Variants in TCN2 observed in about 807,000 individuals in gnomAD.
The protein encoded by TCN2 is transcobalamin-2.
In TCN2, 34 loss-of-function variants were observed where a neutral mutation model predicts 48.6. The observed-to-expected ratio is 0.70, with a 90% CI of 0.53 to 0.93. TCN2 has a LOEUF of 0.93. Ranked by LOEUF, TCN2 falls within the 40% of genes least tolerant of loss-of-function variation. The pLI is 0.00. For missense variants in TCN2, 652 were observed against 526.1 expected (o/e 1.24, Z -2.34); for synonymous variants, 283 against 212.5 (o/e 1.33, Z -2.89).
chr22:30,619,648 G>A (rs1190061404), intron 7 of TCN2, among the ~76,000 whole-genome samples: 2 of 152,118 alleles, frequency 1.3e-5, no homozygotes, highest in African/African-American at 4.8e-5. Context: ...CTAGAATCAT[G>A]GGCCTATCTC....
rs77763564 is a variant in TCN2, at chr22:30,610,854, C to A, written c.65-17C>A. The A allele has an allele frequency of 1.2e-6, 2 of 1,614,076 alleles. No homozygotes were observed. The highest frequency in any genetic ancestry group is 4.5e-5 in the East Asian group (2 of 44,888). On this transcript the variant is annotated splice_polypyrimidine_tract_variant and intron_variant, in intron 1 of 8. Coordinates refer to ENST00000215838, the MANE Select transcript of TCN2 (RefSeq NM_000355.4). ...GCCTGGCCCTGTGACCTCATTTGTACCATTTTCTTTTCTAAGAAATACCAG... is the reference window on the plus strand; with the variant it reads ...GCCTGGCCCTGTGACCTCATTTGTAACATTTTCTTTTCTAAGAAATACCAG...
rs80014130 is a variant in TCN2 at position 30,611,251 on chromosome 22, G to T, written c.257+188G>T. The T allele has an allele frequency of 0.015, 10,388 of 701,934 alleles. 111 individuals carry two copies. The highest frequency in any genetic ancestry group is 0.019 in the Non-Finnish European group (7,761 of 400,132). The allele number at this position is 701,934 out of a possible 1,614,324, so 43.5% of individuals were successfully genotyped here. A position where few individuals can be genotyped will look rare whatever the true frequency, so the allele number is the denominator to read the frequency against. ...GTTGGATTAGATCAGAGATGCTAAT[G>T]CAAGGCTCCTTTTGCTACTACTGTC... On this transcript the variant is annotated intron_variant, in intron 2 of 8. Transcript: ENST00000215838.
intron 1 of TCN2, chr22:30,610,152 C>T (rs1219593549): frequency 2.1e-6 from 1 of 466,830 alleles, no homozygotes; most frequent in Non-Finnish European, 4.4e-6. Flanking sequence ...GAATAAATCC[C>T]ACAGCAACAG....
chr22:30,607,482 C>T, intron 1 of TCN2, 87 bp downstream of exon 1: 5 of 1,440,050 alleles, frequency 3.5e-6, no homozygotes, highest in Non-Finnish European at 3.9e-6. Flanking sequence ...ACTTACCTGC[C>T]CTTCTAAGCT....
Position 30,626,895 on chromosome 22 carries a change from G to T in TCN2, c.*374G>T. Reference sequence around the variant, plus strand: ...TCGTTCTGTGGTTGGGGTCCTGCAAGAAGGCCTCCTCAGCCCGGGGGCTAT... The same window carrying T: ...TCGTTCTGTGGTTGGGGTCCTGCAATAAGGCCTCCTCAGCCCGGGGGCTAT... On this transcript the variant is annotated 3_prime_UTR_variant, in exon 9 of 9. Transcript: ENST00000215838. The T allele has an allele frequency of 2.8e-6, 1 of 362,830 alleles. No homozygotes were observed. The highest frequency in any genetic ancestry group is 6.3e-5 in the East Asian group (1 of 15,978). The allele number at this position is 362,830 out of a possible 1,614,324, so 22.5% of individuals were successfully genotyped here.
chr22:30,626,188 T>A (rs564501235), intron 8 of TCN2, among the ~76,000 whole-genome samples: 1 of 152,220 alleles, frequency 6.6e-6, no homozygotes, highest in Admixed American at 6.5e-5. Flanking sequence ...CTGCGCAAGT[T>A]TCTCTTCCTG....
intron 4 of TCN2, 63 bp from the exon 5 acceptor site, chr22:30,615,238 C>G: frequency 6.3e-7 from 1 of 1,577,576 alleles, no homozygotes; most frequent in Non-Finnish European, 8.7e-7. Flanking sequence ...GACCCTCAAG[C>G]CCCTGCCTGT....
At chr22:30,616,848 A>G (rs1205059225) in intron 6 of TCN2, among the ~76,000 whole-genome samples, 2 of 152,174 alleles carry the variant, frequency 1.3e-5, no homozygotes, top group Non-Finnish European at 2.9e-5. Context: ...AGGCAGGAAG[A>G]ACAAAGACAC....
intron 1 of TCN2, among the ~76,000 whole-genome samples, chr22:30,610,017 C>A (rs4820020): frequency 6.6e-6 from 1 of 152,062 alleles, no homozygotes; most frequent in South Asian, 2.1e-4. Context: ...AAACAGGGAC[C>A]GAAAGTGCAA....
intron 1 of TCN2, among the ~76,000 whole-genome samples, chr22:30,610,644 C>G (rs540066469): frequency 6.6e-6 from 1 of 152,250 alleles, no homozygotes; most frequent in East Asian, 1.9e-4. Context: ...AGCCCACCAC[C>G]TCTCTTGCTG....
At chr22:30,622,764 G>C (rs532740835) in intron 7 of TCN2, among the ~76,000 whole-genome samples, 1 of 152,236 alleles carries the variant, frequency 6.6e-6, no homozygotes, top group African/African-American at 2.4e-5. Context: ...AGAGGATGAA[G>C]CCTGAGCAGG....
At chr22:30,618,480 T>C (rs752161341) in intron 7 of TCN2, among the ~76,000 whole-genome samples, 26 of 151,908 alleles carry the variant, frequency 1.7e-4, no homozygotes, top group Non-Finnish European at 2.8e-4. Context: ...GCCTCCTGAG[T>C]AGCTGGCGCT....
chr22:30,626,612 C>T lies in TCN2; in HGVS notation c.*91C>T, dbSNP rs1419460451. The T allele has an allele frequency of 5.7e-6, 8 of 1,394,244 alleles. No individual in the cohort carries two copies. The highest frequency in any genetic ancestry group is 1.4e-5 in the African/African-American group (1 of 70,836). The allele number at this position is 1,394,244 out of a possible 1,614,324, so 86.4% of individuals were successfully genotyped here. A position where few individuals can be genotyped will look rare whatever the true frequency, so the allele number is the denominator to read the frequency against. ...CCCTGGAACAGGAACTCGCCTGACCCTGCTGCCACCTCCTGTGCACTTTGA... is the reference window on the plus strand; with the variant it reads ...CCCTGGAACAGGAACTCGCCTGACCTTGCTGCCACCTCCTGTGCACTTTGA... On this transcript the variant is annotated 3_prime_UTR_variant, in exon 9 of 9. Transcript: ENST00000215838.
intron 7 of TCN2, 32 bp from the exon 8 acceptor site, chr22:30,622,936 C>T (rs1021053673): frequency 1.9e-6 from 3 of 1,609,770 alleles, no homozygotes; most frequent in East Asian, 2.2e-5. Flanking sequence ...ACAGCCACCT[C>T]TTCTCTCCCC....
At chr22:30,612,458 A>C (rs2087555597) in intron 2 of TCN2, among the ~76,000 whole-genome samples, 1 of 151,874 alleles carries the variant, frequency 6.6e-6, no homozygotes, top group African/African-American at 2.4e-5. Flanking sequence ...GCCGAGGCAG[A>C]AGAATCGCTT....
At chr22:30,623,775 CATATAT>C (rs747385413) in intron 8 of TCN2, among the ~76,000 whole-genome samples, 8 of 37,514 alleles carry the variant, frequency 2.1e-4, no homozygotes, top group African/African-American at 2.0e-3. Flanking sequence ...TATATACACA[CATATAT>C]ATGTATACAT....
intron 3 of TCN2, 36 bp from the exon 4 acceptor site, chr22:30,614,313 G>C (rs759587689): frequency 6.2e-7 from 1 of 1,607,608 alleles, no homozygotes; most frequent in African/African-American, 1.3e-5. Context: ...CTGGGTGGGG[G>C]CAGAGAGGCA....
In TCN2 at chr22:30,614,642, G is replaced by A. The variant is rs540153497; in HGVS notation, c.580+141G>A. On this transcript the variant is annotated intron_variant, in intron 4 of 8. Transcript: ENST00000215838. ...TCAAGTCCTTTAGGGACGAATTGGCGAGGGCTCATGGGTGATGCTTCAGCT... is the reference window on the plus strand; with the variant it reads ...TCAAGTCCTTTAGGGACGAATTGGCAAGGGCTCATGGGTGATGCTTCAGCT... The A allele has an allele frequency of 6.0e-5, 76 of 1,262,592 alleles. No individual in the cohort carries two copies. In the East Asian group the frequency reaches 1.6e-3, roughly 26 times the overall value. The allele number at this position is 1,262,592 out of a possible 1,614,324, so 78.2% of individuals were successfully genotyped here.
At chr22:30,612,667 T>G (rs2087559278) in intron 2 of TCN2, among the ~76,000 whole-genome samples, 1 of 152,334 alleles carries the variant, frequency 6.6e-6, no homozygotes, top group East Asian at 1.9e-4. Context: ...TTGGAGTTTA[T>G]TCTTGAATCT....
Sources: allele counts gnomAD v4.1 joint callset (sites outside exome capture counted in the v4.1 genomes callset), GRCh38; gene constraint gnomAD v4.1.1; transcripts MANE v1.5; gene names NCBI Gene and HGNC (gene_info 2026-07-23, HGNC 2026-07-21).